Variants in CELSR3 observed in about 807,000 individuals in gnomAD.
CELSR3 encodes EGF-like protein 1.
CELSR3 carries 73 observed loss-of-function variants against 270.0 expected under a neutral mutation model. The observed-to-expected ratio is 0.27, with a 90% confidence interval of 0.22 to 0.33. The LOEUF (loss-of-function observed/expected upper bound fraction) is 0.33. CELSR3 is among the 10% of genes least tolerant of loss of function. CELSR3 has a pLI of 1.00. For synonymous variants in CELSR3, 1,780 were observed against 1,905.4 expected (o/e 0.93, Z 1.71); for missense variants, 3,614 against 4,533.8 (o/e 0.80, Z 5.83).
Position 48,643,337 on chromosome 3 carries a change from G to A in CELSR3, c.8289+217C>T, listed in dbSNP as rs1052785839. 5.7e-6 allele frequency: 4 copies of A among 697,634 alleles called. No homozygotes were observed. In the South Asian group the frequency reaches 7.8e-5, roughly 14 times the overall value. 43.2% of individuals were successfully genotyped at this position (697,634 alleles called of 1,614,324 possible). A position where few individuals can be genotyped will look rare whatever the true frequency, so the allele number is the denominator to read the frequency against. The stretch of plus-strand genomic sequence containing the variant: ...TTGGTGTTGGTGAAGGTCGATCCAA[G>A]ATCAGCACTCAGTCTGGGATCAGTG... On this transcript the variant is annotated intron_variant, in intron 28 of 34. Transcript: ENST00000164024.
chr3:48,656,037 G>T, intron 3 of CELSR3, 103 bp downstream of exon 3: 1 of 1,302,448 alleles, frequency 7.7e-7, no homozygotes, highest in Non-Finnish European at 1.1e-6. Flanking sequence ...CAGGGGAGGG[G>T]CGGTGTCTCA....
At chr3:48,643,927 G>C (rs2047053771) in intron 27 of CELSR3, 1 of 592,466 alleles carries the variant, frequency 1.7e-6, no homozygotes, top group South Asian at 2.1e-5. Context: ...GGAGGGCACG[G>C]AAGACAGGTG....
Position 48,662,782 on chromosome 3 carries a change from G to A in CELSR3, c.-148C>T, listed in dbSNP as rs1273766323. 1 of 314,246 alleles carries A rather than the reference G, an allele frequency of 3.2e-6. No homozygotes were observed. The highest frequency in any genetic ancestry group is 2.2e-5 in the African/African-American group (1 of 45,226). 19.5% of individuals were successfully genotyped at this position (314,246 alleles called of 1,614,324 possible). A position where few individuals can be genotyped will look rare whatever the true frequency, so the allele number is the denominator to read the frequency against. ...CTCTCCGCACCCCCGCCGCCCTCTGGGCACCATCTACTCCGCGGCCGGAGC... is the reference window on the plus strand; with the variant it reads ...CTCTCCGCACCCCCGCCGCCCTCTGAGCACCATCTACTCCGCGGCCGGAGC... On this transcript the variant is annotated 5_prime_UTR_variant, in exon 1 of 35. Transcript: ENST00000164024. This position sits in a 1 kb window ranked among gnomAD's most constrained non-coding sequence, Gnocchi z 7.1.
chr3:48,651,261 G>C lies in CELSR3; in HGVS notation c.6186+98C>G. 2 of 1,562,112 alleles carry C rather than the reference G, an allele frequency of 1.3e-6. No individual in the cohort carries two copies. Among genetic ancestry groups the C allele is most frequent in the Non-Finnish European group, 8.7e-7 (1 of 1,145,770 alleles). On this transcript the variant is annotated intron_variant, in intron 14 of 34. Transcript: ENST00000164024. This position sits in a 1 kb window ranked among gnomAD's most constrained non-coding sequence, Gnocchi z 7.4. ...CAACTTGGTCACAGGACACAGGCAA[G>C]AGGTTAGGGCCCAAGTCAGGTGGCG...
In CELSR3 at chr3:48,640,193, G is replaced by A. The variant is rs1445614966; in HGVS notation, c.9392C>T (p.Pro3131Leu). The A allele has an allele frequency of 3.7e-6, 6 of 1,612,654 alleles. No homozygotes were observed. The highest frequency in any genetic ancestry group is 1.7e-5 in the Admixed American group (1 of 59,998). Reference protein sequence around the residue: ...LPRRQPPRDYPGAMAGRFGSR... With the variant: ...LPRRQPPRDYLGAMAGRFGSR... ...CCCGAAGCGGCCAGCCATGGCGCCA[G>A]GGTAGTCCCGAGGTGGCTGCCTCCG... The change falls in exon 34 of 35, where the codon CCT (proline) becomes CTT (leucine). Residue 3131 changes from proline to leucine, a missense_variant. Transcript: ENST00000164024. The surrounding 1 kb of genome is among the most constrained non-coding windows in gnomAD (Gnocchi z 7.5).
Position 48,644,040 on chromosome 3 carries a change from G to A in CELSR3, c.8165+176C>T. 1.6e-6 allele frequency: 1 copy of A among 611,632 alleles called. No individual in the cohort carries two copies. Among genetic ancestry groups the A allele is most frequent in the Non-Finnish European group, 2.9e-6 (1 of 341,452 alleles). The allele number at this position is 611,632 out of a possible 1,614,324, so 37.9% of individuals were successfully genotyped here. On this transcript the variant is annotated intron_variant, in intron 27 of 34. Transcript: ENST00000164024. This position sits in a 1 kb window ranked among gnomAD's most constrained non-coding sequence, Gnocchi z 4.8. The stretch of plus-strand genomic sequence containing the variant: ...ACAGCAGGGCAGAAGCACATGTGGG[G>A]CTACAGTATAGCGAGGGCGCCAGAG...
rs182696420 is a variant in CELSR3 at position 48,641,335 on chromosome 3, C to A, written c.9014G>T (p.Arg3005Leu). Residue 3005 changes from arginine to leucine, a missense_variant, in exon 33 of 35, where the codon CGC becomes CTC. Physicochemically the swap from Arg to Leu is moderately radical, Grantham distance 102 (BLOSUM62 -2). Around this residue, in one of 7 missense-constraint regions of CELSR3, gnomAD observed 1,240 missense variants for 1,351.7 expected, o/e 0.92. Coordinates refer to ENST00000164024, the MANE Select transcript of CELSR3 (RefSeq NM_001407.3). The surrounding 1 kb of genome is among the most constrained non-coding windows in gnomAD (Gnocchi z 4.8). ...GDETSLGRAQ[R>L]QRKGILKNRL... ...CTCAGGGACTGTACCTTTCCTCTGG[C>A]GCTGGGCCCGGCCCAGAGAAGTCTC... The A allele has an allele frequency of 2.2e-5, 36 of 1,608,052 alleles. No individual in the cohort carries two copies. In the East Asian group the frequency reaches 4.7e-4, roughly 21 times the overall value.
In CELSR3 at chr3:48,654,121, T is replaced by C. The variant is rs943405282; in HGVS notation, c.5153-118A>G. On this transcript the variant is annotated intron_variant, in intron 7 of 34. Coordinates refer to ENST00000164024, the MANE Select transcript of CELSR3 (RefSeq NM_001407.3). This position sits in a 1 kb window ranked among gnomAD's most constrained non-coding sequence, Gnocchi z 5.4. ...ACCAAGATCTCAGCCCCATTTCCCA[T>C]TTTCTTTCGATGAGTGGGGTTGGTA... 2 of 1,512,164 alleles carry C rather than the reference T, an allele frequency of 1.3e-6. No homozygotes were observed. The highest frequency in any genetic ancestry group is 8.9e-7 in the Non-Finnish European group (1 of 1,119,874). The allele number at this position is 1,512,164 out of a possible 1,614,324, so 93.7% of individuals were successfully genotyped here.
At position 48,639,750 on chromosome 3, in the gene CELSR3, T is replaced by C; in HGVS notation, c.9835A>G (p.Thr3279Ala). 3 of 1,613,264 alleles carry C rather than the reference T, an allele frequency of 1.9e-6. No homozygotes were observed. The highest frequency in any genetic ancestry group is 2.5e-6 in the Non-Finnish European group (3 of 1,179,890). The stretch of plus-strand genomic sequence containing the variant: ...GTGGAGGGCCCAAGCACAGAGGCTG[T>C]GGCAGAAGGTGTGGCAGTGGTGTGA... ...GPHTTATPSATASVLGPSTPR... is the reference protein window; with the variant it reads ...GPHTTATPSAAASVLGPSTPR... Residue 3279 changes from threonine to alanine, a missense_variant, in exon 34 of 35, where the codon ACA becomes GCA. This residue lies in a region of CELSR3 where 1,240 missense variants were observed against 1,351.7 expected (regional missense o/e 0.92). Transcript: ENST00000164024. The surrounding 1 kb of genome is among the most constrained non-coding windows in gnomAD (Gnocchi z 4.1).
At chr3:48,649,588 C>T (rs560698175) in intron 16 of CELSR3, among the ~76,000 whole-genome samples, 8 of 152,188 alleles carry the variant, frequency 5.3e-5, no homozygotes, top group Middle Eastern at 3.2e-3. Flanking sequence ...AATGCTCTCT[C>T]GCACACACAC....
Position 48,656,978 on chromosome 3 carries a change from G to A in CELSR3, c.4119C>T (p.Pro1373=). ...CTCGCAGGCACACGTTGTCGTCGAA[G>A]GGCAGTACGTCGAGCAGGGAGCGAG... ...LAARSLLDVL[P]FDDNVCLREP... The change falls in exon 2 of 35, where the codon CCC becomes CCT. Residue 1373 remains proline (P), a synonymous_variant. Coordinates refer to ENST00000164024, the MANE Select transcript of CELSR3 (RefSeq NM_001407.3). 6.2e-7 allele frequency: 1 copy of A among 1,613,144 alleles called. No homozygotes were observed. Among genetic ancestry groups the A allele is most frequent in the Non-Finnish European group, 8.5e-7 (1 of 1,179,630 alleles).
At position 48,661,639 on chromosome 3, in the gene CELSR3, C is replaced by A. The variant is rs749249324; in HGVS notation, c.996G>T (p.Thr332=). ...CTGCTGCCTCATTCTCCGGCACCAG[C>A]GTCTGGTAGTTGTACTGCGGAAACT... ...HPQFPQYNYQ[T]LVPENEAAGT... The change falls in exon 1 of 35, where the codon ACG becomes ACT. Residue 332 remains threonine (T), a synonymous_variant. Transcript: ENST00000164024. 3 of 1,602,972 alleles carry A rather than the reference C, an allele frequency of 1.9e-6. No homozygotes were observed. Among genetic ancestry groups the A allele is most frequent in the Non-Finnish European group, 1.7e-6 (2 of 1,174,606 alleles).
In CELSR3 at chr3:48,644,006, C is replaced by A; in HGVS notation, c.8165+210G>T. 1.7e-6 allele frequency: 1 copy of A among 592,330 alleles called. No individual in the cohort carries two copies. Among genetic ancestry groups the A allele is most frequent in the Non-Finnish European group, 3.0e-6 (1 of 333,188 alleles). 36.7% of individuals were successfully genotyped at this position (592,330 alleles called of 1,614,324 possible). A position where few individuals can be genotyped will look rare whatever the true frequency, so the allele number is the denominator to read the frequency against. On this transcript the variant is annotated intron_variant, in intron 27 of 34. Coordinates refer to ENST00000164024, the MANE Select transcript of CELSR3 (RefSeq NM_001407.3). The surrounding 1 kb of genome is among the most constrained non-coding windows in gnomAD (Gnocchi z 4.8). The stretch of plus-strand genomic sequence containing the variant: ...GGAGACTCTGGGGGGACCCAGAGGA[C>A]AAGGAGAGACAGCAGGGCAGAAGCA...
chr3:48,659,980 A>G lies in CELSR3; in HGVS notation c.2655T>C (p.Asp885=). The G allele has an allele frequency of 6.2e-7, 1 of 1,614,138 alleles. No individual in the cohort carries two copies. The highest frequency in any genetic ancestry group is 8.5e-7 in the Non-Finnish European group (1 of 1,180,024). ...TGATACGAGCATTCTCACCCACGTCATCATCAGAGGCACTGATGACCACTA... is the reference window on the plus strand; with the variant it reads ...TGATACGAGCATTCTCACCCACGTCGTCATCAGAGGCACTGATGACCACTA... ...STIVVISASD[D]DVGENARITY... The change falls in exon 1 of 35, where the codon GAT becomes GAC. Residue 885 remains aspartate, a synonymous_variant. Coordinates refer to ENST00000164024, the MANE Select transcript of CELSR3 (RefSeq NM_001407.3). The surrounding 1 kb of genome is among the most constrained non-coding windows in gnomAD (Gnocchi z 8.1).
At chr3:48,648,238 G>GGGCCCCCCC in intron 19 of CELSR3, 28 bp downstream of exon 19, 5 of 1,342,592 alleles carry the variant, frequency 3.7e-6, no homozygotes, top group Non-Finnish European at 5.3e-6. Flanking sequence ...CCCCTGCTGT[G>GGGCCCCCCC]CCCCGCCCTA....
Position 48,651,791 on chromosome 3 carries a change from C to T in CELSR3, c.5924-73G>A, listed in dbSNP as rs966107341. ...AGGAAGCAGGCACCCGTCCCGAGTC[C>T]CTGCCTCCTTCAGGTTCCCCAGTCT... On this transcript the variant is annotated intron_variant, in intron 12 of 34. Transcript: ENST00000164024. The surrounding 1 kb of genome is among the most constrained non-coding windows in gnomAD (Gnocchi z 7.4). 6.5e-7 allele frequency: 1 copy of T among 1,538,574 alleles called. No individual in the cohort carries two copies. Among genetic ancestry groups the T allele is most frequent in the African/African-American group, 1.4e-5 (1 of 72,378 alleles).
At chr3:48,656,572 T>G in intron 2 of CELSR3, 126 bp downstream of exon 2, 1 of 1,308,706 alleles carries the variant, frequency 7.6e-7, no homozygotes, top group Admixed American at 3.3e-5. Flanking sequence ...CTCTACGGCT[T>G]CTGGCCTAAG....
Position 48,653,448 on chromosome 3 carries a change from G to A in CELSR3, c.5448+171C>T, listed in dbSNP as rs2047154866. On this transcript the variant is annotated intron_variant, in intron 9 of 34. Transcript: ENST00000164024. The surrounding 1 kb of genome is among the most constrained non-coding windows in gnomAD (Gnocchi z 6.5). ...TATGCTGGAGCCCTGCACCTGCAGA[G>A]GATATAATGATGGAAAGAGAATCAA... Among the ~76,000 whole-genome samples, 1 of 152,176 alleles carries A rather than the reference G, an allele frequency of 6.6e-6. No homozygotes were observed. Among genetic ancestry groups the A allele is most frequent in the Admixed American group, 6.5e-5 (1 of 15,274 alleles).
Position 48,659,331 on chromosome 3 carries a change from T to C in CELSR3, c.3304A>G (p.Ile1102Val). Residue 1102 changes from isoleucine to valine, a missense_variant, in exon 1 of 35, where the codon ATA becomes GTA. By Grantham distance (29) the Ile-to-Val change is conservative. Transcript: ENST00000164024. This position sits in a 1 kb window ranked among gnomAD's most constrained non-coding sequence, Gnocchi z 8.1. ...TTCCCCTCCACGATCTGGTACATTA[T>C]ATGGGCATTGGGGCCTTCGTCAGGG... ...VDPDEGPNAH[I>V]MYQIVEGNIP... 1 of 1,614,156 alleles carries C rather than the reference T, an allele frequency of 6.2e-7. No individual in the cohort carries two copies. The highest frequency in any genetic ancestry group is 8.5e-7 in the Non-Finnish European group (1 of 1,180,018).
Sources: allele counts gnomAD v4.1 joint callset (sites outside exome capture counted in the v4.1 genomes callset), GRCh38; gene constraint gnomAD v4.1.1; regional missense constraint gnomAD v4.1.1; non-coding constraint Gnocchi (gnomAD v3.1); transcripts MANE v1.5; gene names NCBI Gene and HGNC (gene_info 2026-07-23, HGNC 2026-07-21).